Variants in KIAA2012 observed in about 807,000 individuals in gnomAD.
KIAA2012 encodes uncharacterized protein KIAA2012.
In KIAA2012, 125 loss-of-function variants were observed where a neutral mutation model predicts 150.6. The observed-to-expected ratio is 0.83, with a 90% confidence interval of 0.72 to 0.96. The LOEUF (loss-of-function observed/expected upper bound fraction) is 0.96. Among genes scored for constraint, KIAA2012 ranks in the 40% least tolerant of loss-of-function variants. The pLI is 0.00. For missense variants in KIAA2012, 1,219 were observed against 1,354.9 expected (o/e 0.90, Z 1.57); for synonymous variants, 462 against 504.7 (o/e 0.92, Z 1.13).
chr2:202,186,997 G>T lies in KIAA2012; in HGVS notation c.2275G>T (p.Glu759Ter). Residue 759 changes from glutamate to a stop codon, truncating the protein, a stop_gained, in exon 17 of 24, where the codon GAG (glutamate) becomes TAG (stop). Transcript: ENST00000498697. LOFTEE classifies it high-confidence loss of function. The stretch of plus-strand genomic sequence containing the variant: ...TCTGGGATACGGGCCTGAGTCACCC[G>T]AGAGGTTGAGTGCTGTGTATACATC... ...GLLGYGPESP[E>*]RLSAVYTSLL... 1 of 1,550,610 alleles carries T rather than the reference G, an allele frequency of 6.4e-7. No individual in the cohort carries two copies. Among genetic ancestry groups the T allele is most frequent in the Non-Finnish European group, 8.7e-7 (1 of 1,146,994 alleles).
chr2:202,155,293 C>T (rs750241177), intron 14 of KIAA2012, among the ~76,000 whole-genome samples: 5 of 152,098 alleles, frequency 3.3e-5, no homozygotes, highest in Non-Finnish European at 7.3e-5. Context: ...ACAAGCTCAG[C>T]TTCATTTCAA....
intron 11 of KIAA2012, among the ~76,000 whole-genome samples, chr2:202,123,089 G>C (rs1199458227): frequency 6.6e-6 from 1 of 152,176 alleles, no homozygotes; most frequent in East Asian, 1.9e-4. Flanking sequence ...AGGGGAAATG[G>C]TTGAGCTTCC....
intron 1 of KIAA2012, 49 bp from the exon 2 acceptor site, chr2:202,074,842 G>A (rs1689286215): frequency 4.0e-6 from 6 of 1,493,546 alleles, no homozygotes; most frequent in Non-Finnish European, 5.3e-6. Flanking sequence ...ATTTGCTATA[G>A]AAAGGTCTTC....
intron 11 of KIAA2012, among the ~76,000 whole-genome samples, chr2:202,120,769 T>C (rs1207574174): frequency 6.6e-6 from 1 of 152,176 alleles, no homozygotes; most frequent in Non-Finnish European, 1.5e-5. Flanking sequence ...ATCCCCCTCA[T>C]CTACCTCTGA....
chr2:202,203,629 A>G (rs1378373972), intron 23 of KIAA2012, among the ~76,000 whole-genome samples: 1 of 152,222 alleles, frequency 6.6e-6, no homozygotes, highest in Non-Finnish European at 1.5e-5. Flanking sequence ...GAATATTTCC[A>G]TGACAGGAAG....
Position 202,074,890 on chromosome 2 carries a change from G to A in KIAA2012, c.85-1G>A. 1.3e-6 allele frequency: 2 copies of A among 1,543,284 alleles called. No individual in the cohort carries two copies. Among genetic ancestry groups the A allele is most frequent in the Non-Finnish European group, 1.7e-6 (2 of 1,144,476 alleles). On this transcript the variant is annotated splice_acceptor_variant, in intron 1 of 23. Transcript: ENST00000498697. LOFTEE classifies it high-confidence loss of function. ...GTCAAAGTGGCTGCTTCTCATTGCA[G>A]GATTACTTGAACTGGAGGTCCCCAG...
intron 14 of KIAA2012, among the ~76,000 whole-genome samples, chr2:202,159,212 G>T (rs116440715): frequency 0.017 from 2,639 of 152,204 alleles, 75 homozygotes; most frequent in African/African-American, 0.059. Context: ...GATGGAGCAG[G>T]GTGCCTTAGG....
chr2:202,193,260 AC>A, intron 19 of KIAA2012, 40 bp from the exon 20 acceptor site: 1 of 1,531,030 alleles, frequency 6.5e-7, no homozygotes, highest in Non-Finnish European at 8.8e-7. Context: ...GCTGAGACAG[AC>A]CCATCTGTTT....
Position 202,102,955 on chromosome 2 carries a change from G to A in KIAA2012, c.1165G>A (p.Ala389Thr), listed in dbSNP as rs1360360497. 5 of 1,549,644 alleles carry A rather than the reference G, an allele frequency of 3.2e-6. No homozygotes were observed. Among genetic ancestry groups the A allele is most frequent in the Non-Finnish European group, 4.4e-6 (5 of 1,146,682 alleles). Residue 389 changes from alanine (A) to threonine (T), a missense_variant, in exon 8 of 24, where the codon GCT becomes ACT. Transcript: ENST00000498697. ...TTTAAATTTTCTCCAGGCACCAAAG[G>A]CTTTGAAATTACCTCCTATCTCAGA... The part of the protein sequence containing the change: ...GEVKKKKAPK[A>T]LKLPPISEEP...
rs1488382819 is a variant in KIAA2012, at chr2:202,074,930, G to A, written c.124G>A (p.Val42Ile). ...NWRSPEDYVP[V>I]SKPQDKNNAS... ...GAGGTCCCCAGAAGACTATGTTCCT[G>A]TCAGCAAACCTCAAGATAAGAACAA... Residue 42 changes from valine (V) to isoleucine (I), a missense_variant, in exon 2 of 24, where the codon GTC becomes ATC. Val to Ile is a conservative substitution (Grantham distance 29, BLOSUM62 3). Coordinates refer to ENST00000498697, the MANE Select transcript of KIAA2012 (RefSeq NM_001277372.4). 1 of 1,550,766 alleles carries A rather than the reference G, an allele frequency of 6.4e-7. No homozygotes were observed. The highest frequency in any genetic ancestry group is 1.2e-5 in the South Asian group (1 of 83,958).
chr2:202,111,237 C>CT (rs1690341374), intron 10 of KIAA2012, among the ~76,000 whole-genome samples: 1 of 150,856 alleles, frequency 6.6e-6, no homozygotes, highest in South Asian at 2.1e-4. Context: ...TGGCTCATGC[C>CT]TATAATACCA....
In KIAA2012 at chr2:202,184,760, G is replaced by A. The variant is rs1357906070; in HGVS notation, c.2127G>A (p.Glu709=). The A allele has an allele frequency of 5.8e-6, 9 of 1,541,356 alleles. No homozygotes were observed. Among genetic ancestry groups the A allele is most frequent in the Non-Finnish European group, 7.9e-6 (9 of 1,144,276 alleles). Residue 709 remains glutamate (E), a synonymous_variant, in exon 16 of 24, where the codon GAG becomes GAA. Transcript: ENST00000498697. ...RETHHNDQDP[E]PRSMTLDSPR... The stretch of plus-strand genomic sequence containing the variant: ...GATACTCTGTTTTCACAGACCCAGA[G>A]CCAAGGAGTATGACCCTTGACTCTC...
At chr2:202,074,454 A>G (rs569123282) in intron 1 of KIAA2012, among the ~76,000 whole-genome samples, 1 of 152,340 alleles carries the variant, frequency 6.6e-6, no homozygotes, top group South Asian at 2.1e-4. Context: ...GTTACATAGC[A>G]TCTGGAATGT....
At chr2:202,201,274 A>C in intron 22 of KIAA2012, 1 of 1,561,724 alleles carries the variant, frequency 6.4e-7, no homozygotes, top group East Asian at 2.3e-5. Context: ...TCCCAACAAC[A>C]TGTGTCTAAA....
In KIAA2012 at chr2:202,134,919, G is replaced by A. The variant is rs551698889; in HGVS notation, c.1832-3513G>A. On this transcript the variant is annotated intron_variant, in intron 12 of 23. Coordinates refer to ENST00000498697, the MANE Select transcript of KIAA2012 (RefSeq NM_001277372.4). ...CTGGGAATTAAACATAGCCAATGCA[G>A]ATTTAAATAGAAGGAAATGTTAAGG... Among the ~76,000 whole-genome samples, 4 of 152,378 alleles carry A rather than the reference G, an allele frequency of 2.6e-5. No homozygotes were observed. In the South Asian group the frequency reaches 8.3e-4, roughly 32 times the overall value.
At chr2:202,128,500 G>A (rs1319325641) in intron 12 of KIAA2012, among the ~76,000 whole-genome samples, 1 of 151,614 alleles carries the variant, frequency 6.6e-6, no homozygotes, top group African/African-American at 2.4e-5. Context: ...TCCAACTTCT[G>A]GGCTCAAGCC....
intron 2 of KIAA2012, chr2:202,077,171 C>T: frequency 2.5e-6 from 1 of 397,850 alleles, no homozygotes; most frequent in Non-Finnish European, 5.0e-6. Context: ...TTACTGATCT[C>T]AATGTTGCCC....
rs984148092 is a variant in KIAA2012 at position 202,093,319 on chromosome 2, G to C, written c.685+134G>C. On this transcript the variant is annotated intron_variant, in intron 4 of 23. Coordinates refer to ENST00000498697, the MANE Select transcript of KIAA2012 (RefSeq NM_001277372.4). ...TAGTCCTCAATCTGTAAAATGAGGG[G>C]TTAGTGCAGACCAGCACTGTCCAAT... The C allele has an allele frequency of 3.4e-6, 3 of 884,664 alleles. No individual in the cohort carries two copies. In the African/African-American group the frequency reaches 5.0e-5, roughly 15 times the overall value. 54.8% of individuals were successfully genotyped at this position (884,664 alleles called of 1,614,324 possible). A position where few individuals can be genotyped will look rare whatever the true frequency, so the allele number is the denominator to read the frequency against.
chr2:202,184,763 A>G lies in KIAA2012; in HGVS notation c.2130A>G (p.Pro710=), dbSNP rs1246829308. 12 of 1,541,574 alleles carry G rather than the reference A, an allele frequency of 7.8e-6. No individual in the cohort carries two copies. Among genetic ancestry groups the G allele is most frequent in the Non-Finnish European group, 1.0e-5 (12 of 1,144,262 alleles). Reference sequence around the variant, plus strand: ...ACTCTGTTTTCACAGACCCAGAGCCAAGGAGTATGACCCTTGACTCTCCCA... The same window carrying G: ...ACTCTGTTTTCACAGACCCAGAGCCGAGGAGTATGACCCTTGACTCTCCCA... The part of the protein sequence containing the change: ...ETHHNDQDPE[P]RSMTLDSPRA... Residue 710 remains proline (P), a synonymous_variant, in exon 16 of 24, where the codon CCA becomes CCG. Coordinates refer to ENST00000498697, the MANE Select transcript of KIAA2012 (RefSeq NM_001277372.4).
Sources: gnomAD v4.1 joint callset for allele counts (sites outside exome capture counted in the v4.1 genomes callset) on GRCh38, gnomAD v4.1.1 for gene constraint, MANE v1.5 for transcripts, NCBI Gene and HGNC (gene_info 2026-07-23, HGNC 2026-07-21) for gene names.